CNTN5: variants seen among roughly 807,000 people sequenced by gnomAD.
CNTN5 encodes the protein contactin 5, also known as contactin-5.
A neutral mutation model predicts 129.1 loss-of-function variants in CNTN5; 77 were observed. The observed-to-expected ratio is 0.60, with a 90% CI of 0.50 to 0.72. CNTN5 has a LOEUF of 0.72. CNTN5 is among the 30% of genes least tolerant of loss of function. The pLI is 0.00. For missense variants in CNTN5, 1,478 were observed against 1,328.8 expected (o/e 1.11, Z -1.75); for synonymous variants, 509 against 465.6 (o/e 1.09, Z -1.20).
chr11:99,714,747 T>C (rs184455047), intron 3 of CNTN5, among the ~76,000 whole-genome samples: 3 of 152,012 alleles, frequency 2.0e-5, no homozygotes, highest in Admixed American at 2.0e-4. Flanking sequence ...ATGTTCACCA[T>C]ATTCTGCCTA....
chr11:99,327,511 A>G (rs1865835066), intron 2 of CNTN5, among the ~76,000 whole-genome samples: 1 of 152,216 alleles, frequency 6.6e-6, no homozygotes, highest in Admixed American at 6.5e-5. Flanking sequence ...CAGGTTTGGC[A>G]GAGCAAAGTG....
chr11:99,451,288 T>C (rs1944291354), intron 2 of CNTN5, among the ~76,000 whole-genome samples: 1 of 152,176 alleles, frequency 6.6e-6, no homozygotes, highest in African/African-American at 2.4e-5. Context: ...CTGAGCAGAG[T>C]ATTCACACTG....
chr11:99,867,061 G>A (rs1948375264), intron 6 of CNTN5, among the ~76,000 whole-genome samples: 1 of 152,206 alleles, frequency 6.6e-6, no homozygotes, highest in African/African-American at 2.4e-5. Context: ...GCATTGTCCA[G>A]TTATTTAGAA....
chr11:99,918,761 G>C (rs1475301296), intron 7 of CNTN5, among the ~76,000 whole-genome samples: 1 of 152,118 alleles, frequency 6.6e-6, no homozygotes, highest in South Asian at 2.1e-4. Context: ...CAGCATCCCT[G>C]TTCTTCGTCC....
intron 13 of CNTN5, among the ~76,000 whole-genome samples, chr11:100,089,170 TA>T (rs1313294524): frequency 1.3e-5 from 2 of 152,134 alleles, no homozygotes; most frequent in Admixed American, 6.6e-5. Context: ...GCCCACTTTT[TA>T]ATGGGGTTGT....
At chr11:99,716,629 C>A (rs1055749413) in intron 3 of CNTN5, among the ~76,000 whole-genome samples, 1 of 152,034 alleles carries the variant, frequency 6.6e-6, no homozygotes, top group African/African-American at 2.4e-5. Flanking sequence ...ACATGCAGCT[C>A]TTAGAAATTG....
intron 16 of CNTN5, among the ~76,000 whole-genome samples, chr11:100,239,205 G>A (rs1394797517): frequency 6.6e-6 from 1 of 152,172 alleles, no homozygotes; most frequent in Non-Finnish European, 1.5e-5. Flanking sequence ...TTAGTTTACA[G>A]AAGGACTTTT....
At chr11:99,654,724 G>T (rs1952286066) in intron 3 of CNTN5, among the ~76,000 whole-genome samples, 1 of 152,004 alleles carries the variant, frequency 6.6e-6, no homozygotes, top group African/African-American at 2.4e-5. Context: ...TTTCTATAAT[G>T]CTCGTTTAGA....
chr11:99,927,425 T>C (rs1950087749), intron 7 of CNTN5, among the ~76,000 whole-genome samples: 1 of 152,142 alleles, frequency 6.6e-6, no homozygotes, highest in Non-Finnish European at 1.5e-5. Context: ...ATTATCCCGC[T>C]GCTATGAAGA....
chr11:99,765,263 A>G (rs553483052), intron 3 of CNTN5, among the ~76,000 whole-genome samples: 2 of 152,146 alleles, frequency 1.3e-5, no homozygotes, highest in African/African-American at 4.8e-5. Flanking sequence ...AAAGAAAAAT[A>G]GTAAATATCA....
At chr11:99,883,108 T>G (rs2135867027) in intron 6 of CNTN5, among the ~76,000 whole-genome samples, 1 of 152,332 alleles carries the variant, frequency 6.6e-6, no homozygotes, top group South Asian at 2.1e-4. Flanking sequence ...CCACATTTTC[T>G]TCATTCATCT....
At chr11:99,884,140 A>G (rs1948839363) in intron 6 of CNTN5, among the ~76,000 whole-genome samples, 2 of 152,364 alleles carry the variant, frequency 1.3e-5, no homozygotes, top group African/African-American at 4.8e-5. Context: ...ATCTATATTC[A>G]GAAATTCTAT....
intron 13 of CNTN5, among the ~76,000 whole-genome samples, chr11:100,186,059 CAT>C (rs1250214128): frequency 2.6e-5 from 4 of 152,068 alleles, no homozygotes; most frequent in South Asian, 2.1e-4. Context: ...GTAAGCCAAA[CAT>C]AGATATGGAG....
chr11:99,269,687 C>T (rs1565451770), intron 1 of CNTN5, among the ~76,000 whole-genome samples: 1 of 148,706 alleles, frequency 6.7e-6, no homozygotes, highest in Non-Finnish European at 1.5e-5. Context: ...GGAGTCTACA[C>T]AACTTGAAAT....
At chr11:99,166,239 A>G (rs61891515) in intron 1 of CNTN5, among the ~76,000 whole-genome samples, 10,060 of 152,024 alleles carry the variant, frequency 0.066, 877 homozygotes, top group East Asian at 0.37. Context: ...CATGTCTACT[A>G]AATATACAAA....
chr11:99,467,224 G>A lies in CNTN5; in HGVS notation c.-70-88921G>A, dbSNP rs140465079. Among the ~76,000 whole-genome samples the A allele has an allele frequency of 8.0e-3, 1,220 of 151,914 alleles. 8 individuals are homozygous for A. Among genetic ancestry groups the A allele is most frequent in the Middle Eastern group, 0.044 (13 of 294 alleles). On this transcript the variant is annotated intron_variant, in intron 2 of 24. Coordinates refer to ENST00000524871, the MANE Select transcript of CNTN5 (RefSeq NM_014361.4). The stretch of plus-strand genomic sequence containing the variant: ...ATATAGTTATATCCAAATGATTTTT[G>A]TTCTATATTTGCGCTTTTTTGGGTC...
intron 3 of CNTN5, among the ~76,000 whole-genome samples, chr11:99,803,382 G>A (rs1485069387): frequency 6.6e-6 from 1 of 152,166 alleles, no homozygotes; most frequent in African/African-American, 2.4e-5. Flanking sequence ...CATAATTCCA[G>A]TGCCTTTTCA....
chr11:99,962,460 A>T (rs2136193478), intron 8 of CNTN5, among the ~76,000 whole-genome samples: 1 of 152,148 alleles, frequency 6.6e-6, no homozygotes, highest in South Asian at 2.1e-4. Context: ...TTCCAGCTTC[A>T]TTCATGTCCC....
At chr11:99,202,740 A>T (rs561139627) in intron 1 of CNTN5, among the ~76,000 whole-genome samples, 1 of 151,472 alleles carries the variant, frequency 6.6e-6, no homozygotes, top group South Asian at 2.1e-4. Flanking sequence ...GACTGTAAAC[A>T]TTGTGGTATG....
Sources: gnomAD v4.1 joint callset for allele counts (sites outside exome capture counted in the v4.1 genomes callset) on GRCh38, gnomAD v4.1.1 for gene constraint, MANE v1.5 for transcripts, NCBI Gene and HGNC (gene_info 2026-07-23, HGNC 2026-07-21) for gene names.